ZNF438: variants seen among roughly 807,000 people sequenced by gnomAD.
The protein encoded by ZNF438 is zinc finger protein 438.
Under a neutral mutation model 38.0 loss-of-function variants are expected in ZNF438, and 25 were observed. The observed-to-expected ratio is 0.66, with a 90% CI of 0.48 to 0.92. The LOEUF is 0.92. Among genes scored for constraint, ZNF438 ranks in the 40% least tolerant of loss-of-function variants. The probability of loss-of-function intolerance (pLI) is 0.00; values close to 1 mark genes in which losing one functional copy is unlikely to be tolerated. For missense variants in ZNF438, 1,007 were observed against 999.6 expected, an observed-to-expected ratio of 1.01 and a Z score of -0.10; for synonymous variants, 372 against 364.1, an observed-to-expected ratio of 1.02 and a Z score of -0.25.
chr10:30,980,217 G>T (rs74134341), intron 1 of ZNF438, among the ~76,000 whole-genome samples: 151 of 150,874 alleles, frequency 1.0e-3, no homozygotes, highest in Middle Eastern at 3.4e-3. Flanking sequence ...GCCACTGAAG[G>T]GTTCTGAACA....
intron 3 of ZNF438, among the ~76,000 whole-genome samples, chr10:30,878,092 C>T (rs919875931): frequency 2.0e-5 from 3 of 152,136 alleles, no homozygotes; most frequent in African/African-American, 4.8e-5. Context: ...CAGACAGGGG[C>T]GGGTCCCCAG....
At chr10:30,924,793 T>C (rs944254118) in intron 2 of ZNF438, among the ~76,000 whole-genome samples, 1 of 152,148 alleles carries the variant, frequency 6.6e-6, no homozygotes, top group Non-Finnish European at 1.5e-5. Flanking sequence ...GGCTATTGAA[T>C]GCAATGTGGT....
intron 3 of ZNF438, among the ~76,000 whole-genome samples, chr10:30,882,179 T>C (rs774396337): frequency 1.3e-5 from 2 of 152,108 alleles, no homozygotes; most frequent in African/African-American, 4.8e-5. Flanking sequence ...AAATTGTATA[T>C]AAAAACTCTC....
chr10:30,979,749 T>C (rs954671684), intron 1 of ZNF438, among the ~76,000 whole-genome samples: 5 of 152,204 alleles, frequency 3.3e-5, no homozygotes, highest in Non-Finnish European at 7.3e-5. Flanking sequence ...ACTATTATTG[T>C]GTGGGAGTCT....
intron 1 of ZNF438, among the ~76,000 whole-genome samples, chr10:30,946,296 T>C (rs1462711111): frequency 6.6e-6 from 1 of 152,192 alleles, no homozygotes; most frequent in Non-Finnish European, 1.5e-5. Context: ...AAGGACTTCA[T>C]GTCTAAAACA....
At chr10:30,932,457 T>G (rs3006572) in intron 2 of ZNF438, among the ~76,000 whole-genome samples, 3 of 152,284 alleles carry the variant, frequency 2.0e-5, no homozygotes, top group Non-Finnish European at 2.9e-5. Context: ...GCTTTATATA[T>G]GTTAACTTAT....
intron 1 of ZNF438, among the ~76,000 whole-genome samples, chr10:30,952,482 A>C (rs1327302417): frequency 1.1e-4 from 16 of 152,006 alleles, no homozygotes; most frequent in Non-Finnish European, 1.9e-4. Flanking sequence ...AAATGGGAGA[A>C]AATTTTCGCA....
intron 3 of ZNF438, among the ~76,000 whole-genome samples, chr10:30,896,304 AAAAAAAAAAAAC>A (rs1435180862): frequency 1.9e-4 from 29 of 151,586 alleles, no homozygotes; most frequent in Non-Finnish European, 3.7e-4. Context: ...TCAAAAAAAA[AAAAAAAAAAAAC>A]AAAAAACTGA....
chr10:30,925,016 A>G (rs1411599391), intron 2 of ZNF438, among the ~76,000 whole-genome samples: 4 of 152,208 alleles, frequency 2.6e-5, no homozygotes, highest in Admixed American at 6.5e-5. Flanking sequence ...TAGAAACGCA[A>G]TTGGGTTCCC....
chr10:30,970,578 GAAAATATCCTCATCC>G (rs1484732135), intron 1 of ZNF438, among the ~76,000 whole-genome samples: 1 of 152,234 alleles, frequency 6.6e-6, no homozygotes, highest in African/African-American at 2.4e-5. Context: ...ATGAAATGTG[GAAAATATCCTCATCC>G]AAACTCCAAA....
intron 1 of ZNF438, among the ~76,000 whole-genome samples, chr10:31,013,182 G>A (rs906014165): frequency 2.0e-5 from 3 of 152,158 alleles, no homozygotes; most frequent in Non-Finnish European, 4.4e-5. Context: ...AGCCGCGCGC[G>A]GTGGCGGGCG....
At chr10:30,915,743 A>G (rs952777446) in intron 2 of ZNF438, among the ~76,000 whole-genome samples, 1 of 152,062 alleles carries the variant, frequency 6.6e-6, no homozygotes. Context: ...GTGAAGTTGC[A>G]AGAAAATATA....
intron 1 of ZNF438, among the ~76,000 whole-genome samples, chr10:30,944,070 C>T (rs957377142): frequency 6.6e-6 from 1 of 152,080 alleles, no homozygotes; most frequent in African/African-American, 2.4e-5. Context: ...ACTGGGAGCA[C>T]GACTGCTTGG....
chr10:30,942,111 G>A (rs1014746138), intron 1 of ZNF438, among the ~76,000 whole-genome samples: 14 of 152,182 alleles, frequency 9.2e-5, no homozygotes, highest in African/African-American at 2.4e-4. Flanking sequence ...GACACAAGGC[G>A]CTACGGGATT....
chr10:30,940,694 G>A (rs1269869829), intron 2 of ZNF438, among the ~76,000 whole-genome samples: 1 of 152,174 alleles, frequency 6.6e-6, no homozygotes, highest in Admixed American at 6.5e-5. Context: ...GGTTCTATAT[G>A]CAGGTTTATC....
chr10:30,990,873 T>A lies in ZNF438; in HGVS notation c.-192+40960A>T, dbSNP rs534564664. Among the ~76,000 whole-genome samples, 4 of 151,980 alleles carry A rather than the reference T, an allele frequency of 2.6e-5. No homozygotes were observed. The South Asian group carries it at 8.3e-4, about 32-fold the overall frequency. Reference sequence around the variant, plus strand: ...GATTGAAGATATATCTTTTTTTTTTTAATGAGCAAAACCAAGAGACAACTT... The same window carrying A: ...GATTGAAGATATATCTTTTTTTTTTAAATGAGCAAAACCAAGAGACAACTT... On this transcript the variant is annotated intron_variant, in intron 1 of 5. Coordinates refer to ENST00000413025, the Ensembl canonical transcript of ZNF438.
intron 5 of ZNF438, among the ~76,000 whole-genome samples, chr10:30,846,616 G>A (rs536925273): frequency 2.0e-5 from 3 of 152,312 alleles, no homozygotes; most frequent in South Asian, 4.1e-4. Context: ...CCAAGTTGAC[G>A]GTGTGGGAGC....
chr10:30,880,011 A>G (rs2038994748), intron 3 of ZNF438, among the ~76,000 whole-genome samples: 1 of 152,210 alleles, frequency 6.6e-6, no homozygotes, highest in Non-Finnish European at 1.5e-5. Flanking sequence ...ATATTAAGGT[A>G]TATCATTGCC....
chr10:30,915,772 A>G (rs1037265399), intron 2 of ZNF438, among the ~76,000 whole-genome samples: 3 of 152,100 alleles, frequency 2.0e-5, no homozygotes, highest in African/African-American at 7.2e-5. Flanking sequence ...GTCATTCTCC[A>G]TGACCTGGTT....
Sources: allele counts gnomAD v4.1 joint callset (sites outside exome capture counted in the v4.1 genomes callset), GRCh38; gene constraint gnomAD v4.1.1; transcripts MANE v1.5; gene names NCBI Gene and HGNC (gene_info 2026-07-23, HGNC 2026-07-21).